The following ANGPT1 variants were observed in gnomAD, a reference collection of about 807,000 sequenced individuals.
The protein encoded by ANGPT1 is angiopoietin-1.
ANGPT1 carries 17 observed loss-of-function variants against 62.2 expected under a neutral mutation model. The ratio of observed to expected loss-of-function variants is 0.27; its 90% confidence interval spans 0.19 to 0.41. ANGPT1 has a LOEUF of 0.41. ANGPT1 is among the 10% of genes least tolerant of loss of function. The pLI is 1.00. For missense variants in ANGPT1, 478 were observed against 594.9 expected, an observed-to-expected ratio of 0.80 and a Z score of 2.04; for synonymous variants, 199 against 198.9, an observed-to-expected ratio of 1.00 and a Z score of 0.00.
intron 8 of ANGPT1, among the ~76,000 whole-genome samples, chr8:107,257,926 T>TTC (rs142506893): frequency 0.76 from 90,829 of 119,722 alleles, 35,126 homozygotes; most frequent in Non-Finnish European, 0.82. Context: ...TGTTCTTTCT[T>TTC]TCTCTCTCTC....
At chr8:107,339,053 A>G (rs1017848625) in intron 2 of ANGPT1, among the ~76,000 whole-genome samples, 1 of 152,240 alleles carries the variant, frequency 6.6e-6, no homozygotes, top group African/African-American at 2.4e-5. Context: ...TTAATTTCCA[A>G]AAGACAGTAA....
At chr8:107,280,046 C>A (rs532968637) in intron 7 of ANGPT1, among the ~76,000 whole-genome samples, 18 of 152,134 alleles carry the variant, frequency 1.2e-4, no homozygotes, top group Non-Finnish European at 2.4e-4. Flanking sequence ...ATGGTGAAGA[C>A]TTCAACTAAT....
At chr8:107,322,713 A>G in intron 3 of ANGPT1, 1 of 327,414 alleles carries the variant, frequency 3.1e-6, no homozygotes, top group Non-Finnish European at 5.9e-6. Context: ...GAAAGAAAAA[A>G]ATCTCTTATT....
intron 1 of ANGPT1, among the ~76,000 whole-genome samples, chr8:107,439,106 T>C (rs1363863990): frequency 6.6e-6 from 1 of 152,170 alleles, no homozygotes; most frequent in East Asian, 1.9e-4. Flanking sequence ...AAAGAAAGTT[T>C]AGATACATAT....
intron 1 of ANGPT1, among the ~76,000 whole-genome samples, chr8:107,371,188 A>G (rs1816403226): frequency 6.6e-6 from 1 of 152,184 alleles, no homozygotes; most frequent in Non-Finnish European, 1.5e-5. Flanking sequence ...GAAAAAGAGA[A>G]ATAAACTAAA....
At chr8:107,491,166 A>G (rs1438188489) in intron 1 of ANGPT1, among the ~76,000 whole-genome samples, 1 of 151,504 alleles carries the variant, frequency 6.6e-6, no homozygotes, top group Admixed American at 6.6e-5. Flanking sequence ...AAAAAAGAAG[A>G]AGAAATAAAA....
At chr8:107,301,033 CATA>C (rs556164702) in intron 5 of ANGPT1, among the ~76,000 whole-genome samples, 5 of 151,986 alleles carry the variant, frequency 3.3e-5, no homozygotes, top group African/African-American at 9.6e-5. Context: ...ATTTGCATCT[CATA>C]ATGTTTCAAA....
chr8:107,389,294 T>C (rs1436523143), intron 1 of ANGPT1, among the ~76,000 whole-genome samples: 1 of 152,220 alleles, frequency 6.6e-6, no homozygotes, highest in African/African-American at 2.4e-5. Flanking sequence ...GACTACGTGC[T>C]ATGTCTGACT....
intron 7 of ANGPT1, among the ~76,000 whole-genome samples, chr8:107,273,503 T>A (rs1239352511): frequency 6.6e-6 from 1 of 151,938 alleles, no homozygotes; most frequent in Non-Finnish European, 1.5e-5. Flanking sequence ...TAGCCCTCTG[T>A]TATATGTAGC....
intron 1 of ANGPT1, among the ~76,000 whole-genome samples, chr8:107,410,418 C>T (rs919274296): frequency 2.2e-4 from 33 of 152,134 alleles, no homozygotes; most frequent in African/African-American, 7.5e-4. Flanking sequence ...TCTACACAGG[C>T]CAACATGCTA....
At chr8:107,252,202 G>T (rs1229771565) in intron 8 of ANGPT1, among the ~76,000 whole-genome samples, 187 bp from the exon 9 acceptor site, 1 of 152,138 alleles carries the variant, frequency 6.6e-6, no homozygotes, top group Admixed American at 6.5e-5. Flanking sequence ...TCTGATTTAA[G>T]ATTTGTATGA....
chr8:107,395,018 A>C (rs1478504766), intron 1 of ANGPT1, among the ~76,000 whole-genome samples: 1 of 152,180 alleles, frequency 6.6e-6, no homozygotes, highest in Non-Finnish European at 1.5e-5. Flanking sequence ...AGATGATATT[A>C]TAATAAATGC....
At position 107,253,506 on chromosome 8, in the gene ANGPT1, T is replaced by A. The variant is rs369654853; in HGVS notation, c.1337-1491A>T. Among the ~76,000 whole-genome samples the A allele has an allele frequency of 1.4e-4, 21 of 152,312 alleles. No individual in the cohort carries two copies. The South Asian group carries it at 3.9e-3, about 29-fold the overall frequency. The stretch of plus-strand genomic sequence containing the variant: ...ATTCTGTTTTTAACTTTTCTCCTCC[T>A]TTTCTGTGACCTTCTTGAAGCACTT... On this transcript the variant is annotated intron_variant, in intron 8 of 8. Coordinates refer to ENST00000517746, the MANE Select transcript of ANGPT1 (RefSeq NM_001146.5).
intron 1 of ANGPT1, among the ~76,000 whole-genome samples, chr8:107,351,423 C>T (rs1815928483): frequency 6.6e-6 from 1 of 152,006 alleles, no homozygotes; most frequent in African/African-American, 2.4e-5. Flanking sequence ...AAAGAAAAAT[C>T]TCAACTCTAT....
At position 107,322,139 on chromosome 8, in the gene ANGPT1, G is replaced by A. The variant is rs760084580; in HGVS notation, c.576-11C>T. On this transcript the variant is annotated splice_polypyrimidine_tract_variant and intron_variant, in intron 3 of 8. Transcript: ENST00000517746. ...TTATGTTCTAATAAACTACAAGGAA[G>A]TGAAAATAAAACTTAGATTTGAAAA... The A allele has an allele frequency of 1.0e-5, 16 of 1,576,942 alleles. No individual in the cohort carries two copies. The highest frequency in any genetic ancestry group is 1.4e-5 in the Non-Finnish European group (16 of 1,157,346).
At chr8:107,370,581 T>A (rs1441907621) in intron 1 of ANGPT1, among the ~76,000 whole-genome samples, 4 of 150,312 alleles carry the variant, frequency 2.7e-5, no homozygotes, top group African/African-American at 9.8e-5. Flanking sequence ...CGTGTGCCTG[T>A]GATCCCAGCT....
chr8:107,393,570 G>A (rs1156664590), intron 1 of ANGPT1, among the ~76,000 whole-genome samples: 1 of 152,190 alleles, frequency 6.6e-6, no homozygotes, highest in Non-Finnish European at 1.5e-5. Flanking sequence ...AGCACTTTGG[G>A]AGGTGGAGGC....
chr8:107,303,415 T>G, intron 4 of ANGPT1, 48 bp from the exon 5 acceptor site: 1 of 1,505,778 alleles, frequency 6.6e-7, no homozygotes. Flanking sequence ...TCAGTACCAT[T>G]AGTAGCCAAA....
At chr8:107,284,638 G>C in intron 7 of ANGPT1, 44 bp downstream of exon 7, 2 of 1,351,560 alleles carry the variant, frequency 1.5e-6, no homozygotes, top group Non-Finnish European at 1.9e-6. Flanking sequence ...TTATTAAGTG[G>C]CTAGGTAAAA....
Sources: allele counts gnomAD v4.1 joint callset (sites outside exome capture counted in the v4.1 genomes callset), GRCh38; gene constraint gnomAD v4.1.1; transcripts MANE v1.5; gene names NCBI Gene and HGNC (gene_info 2026-07-23, HGNC 2026-07-21).